The following FUBP1 variants were observed in gnomAD, a reference collection of about 807,000 sequenced individuals.
FUBP1 encodes the protein far upstream element-binding protein 1.
A neutral mutation model predicts 94.9 loss-of-function variants in FUBP1; 16 were observed. That is an observed-to-expected ratio of 0.17 (90% CI 0.11 to 0.26). FUBP1 has a LOEUF of 0.26. FUBP1 is among the 10% of genes least tolerant of loss of function. FUBP1 has a pLI of 1.00. For synonymous variants in FUBP1, 279 were observed against 254.9 expected, an observed-to-expected ratio of 1.09 and a Z score of -0.90; for missense variants, 583 against 808.6, an observed-to-expected ratio of 0.72 and a Z score of 3.38.
chr1:77,979,342 T>C (rs764533414), upstream of FUBP1: 7 of 277,936 alleles, frequency 2.5e-5, no homozygotes, highest in African/African-American at 8.7e-5. Context: ...TAGTGGCCAG[T>C]TGACTGCGAC....
In FUBP1 at chr1:77,948,761, T is replaced by C; in HGVS notation, c.*5A>G. 6.2e-7 allele frequency: 1 copy of C among 1,609,488 alleles called. No individual in the cohort carries two copies. The highest frequency in any genetic ancestry group is 8.5e-7 in the Non-Finnish European group (1 of 1,176,130). ...TGAAGCAAATACTGTATTGTCCACT[T>C]CTTATTATTGGCCCTGTGCAGAAGA... On this transcript the variant is annotated 3_prime_UTR_variant, in exon 20 of 20. Coordinates refer to ENST00000370768, the MANE Select transcript of FUBP1 (RefSeq NM_003902.5).
chr1:77,955,175 T>A, intron 18 of FUBP1, 80 bp downstream of exon 18: 1 of 683,488 alleles, frequency 1.5e-6, no homozygotes. Context: ...AGTGATTTTA[T>A]TCAATTATTC....
At chr1:77,978,444 C>A (rs1428087379) in intron 1 of FUBP1, among the ~76,000 whole-genome samples, 1 of 152,236 alleles carries the variant, frequency 6.6e-6, no homozygotes, top group Non-Finnish European at 1.5e-5. Context: ...CGAGAGAGAA[C>A]GGAAATGAGC....
chr1:77,957,951 C>G (rs1222378091), intron 16 of FUBP1, among the ~76,000 whole-genome samples: 1 of 151,930 alleles, frequency 6.6e-6, no homozygotes, highest in Non-Finnish European at 1.5e-5. Context: ...GCCACCACAT[C>G]CAGCTAATTT....
At chr1:77,969,015 T>C in intron 2 of FUBP1, 1 of 1,193,792 alleles carries the variant, frequency 8.4e-7, no homozygotes, top group Non-Finnish European at 1.1e-6. Context: ...TAAATAAAAA[T>C]TCCTGCCTTT....
rs557515370 is a variant in FUBP1, at chr1:77,952,908, C to T, written c.1780+2347G>A. Among the ~76,000 whole-genome samples the T allele has an allele frequency of 5.9e-5, 9 of 152,166 alleles. No homozygotes were observed. In the East Asian group the frequency reaches 1.5e-3, roughly 26 times the overall value. On this transcript the variant is annotated intron_variant, in intron 18 of 19. Coordinates refer to ENST00000370768, the MANE Select transcript of FUBP1 (RefSeq NM_003902.5). ...ATCCCAACACTTTGCGAGGCTGAGG[C>T]GGGTGGATCACCTGAGGTCAGGAGT...
At chr1:77,959,239 G>A (rs1399355980) in intron 16 of FUBP1, among the ~76,000 whole-genome samples, 1 of 151,982 alleles carries the variant, frequency 6.6e-6, no homozygotes, top group Non-Finnish European at 1.5e-5. Flanking sequence ...TGAGAAAAAA[G>A]GATCATAAAT....
Position 77,947,951 on chromosome 1 carries a change from T to C in FUBP1, c.*815A>G, listed in dbSNP as rs956362380. 3.3e-5 allele frequency: 33 copies of C among 1,013,566 alleles called. No homozygotes were observed. The highest frequency in any genetic ancestry group is 3.7e-5 in the Non-Finnish European group (31 of 827,980). 62.8% of individuals were successfully genotyped at this position (1,013,566 alleles called of 1,614,324 possible). A position where few individuals can be genotyped will look rare whatever the true frequency, so the allele number is the denominator to read the frequency against. On this transcript the variant is annotated 3_prime_UTR_variant, in exon 20 of 20. Transcript: ENST00000370768. ...GCTTCACATGGAAAAAAACTGTTCT[T>C]ATTAGACTACTCATATTCACTATCT...
At chr1:77,973,329 T>C (rs1657949092) in intron 1 of FUBP1, among the ~76,000 whole-genome samples, 2 of 152,186 alleles carry the variant, frequency 1.3e-5, no homozygotes, top group Non-Finnish European at 1.5e-5. Flanking sequence ...CACTGCAATG[T>C]CCGCCCCCCA....
chr1:77,948,662 CA>C lies in FUBP1; in HGVS notation c.*103del. The C allele has an allele frequency of 1.4e-6, 2 of 1,431,382 alleles. No homozygotes were observed. The highest frequency in any genetic ancestry group is 1.8e-6 in the Non-Finnish European group (2 of 1,089,418). 88.7% of individuals were successfully genotyped at this position (1,431,382 alleles called of 1,614,324 possible). A position where few individuals can be genotyped will look rare whatever the true frequency, so the allele number is the denominator to read the frequency against. On this transcript the variant is annotated 3_prime_UTR_variant, in exon 20 of 20. Coordinates refer to ENST00000370768, the MANE Select transcript of FUBP1 (RefSeq NM_003902.5). ...AAAAAAAGGAAACACTATTTTAAAC[CA>C]AAAACAAAATTAAGATCTTCATCAA...
rs1483465869 is a variant in FUBP1 at position 77,975,811 on chromosome 1, T to C, written c.120+3074A>G. ...GAAACCCTGAACTAAAGCAGCAATC[T>C]GGTGTCCCTGTGTTGAATTTAGCTC... On this transcript the variant is annotated intron_variant, in intron 1 of 19. Transcript: ENST00000370768. Among the ~76,000 whole-genome samples the C allele has an allele frequency of 3.3e-5, 5 of 152,080 alleles. No homozygotes were observed. The East Asian group carries it at 9.6e-4, about 29-fold the overall frequency.
At chr1:77,956,772 C>G in intron 16 of FUBP1, 72 bp from the exon 17 acceptor site, 1 of 1,094,772 alleles carries the variant, frequency 9.1e-7, no homozygotes, top group South Asian at 1.9e-5. Context: ...CACACCACCC[C>G]CCCGCCCAGC....
chr1:77,953,594 A>C lies in FUBP1; in HGVS notation c.1780+1661T>G, dbSNP rs1041549051. 2.6e-5 allele frequency among the ~76,000 whole-genome samples: 4 copies of C among 152,208 alleles called. No individual in the cohort carries two copies. In the South Asian group the frequency reaches 8.3e-4, roughly 32 times the overall value. On this transcript the variant is annotated intron_variant, in intron 18 of 19. Transcript: ENST00000370768. ...CTTTAGTCATACAGCATTATTATTT[A>C]ACATCTAATTATTATTTAATTATTT...
intron 1 of FUBP1, among the ~76,000 whole-genome samples, chr1:77,978,118 A>C (rs1659048988): frequency 6.6e-6 from 1 of 152,248 alleles, no homozygotes; most frequent in South Asian, 2.1e-4. Flanking sequence ...AAGAATGTAA[A>C]GTTCAAATTA....
rs372255352 is a variant in FUBP1 at position 77,956,519 on chromosome 1, T to A, written c.1705+53A>T. The A allele has an allele frequency of 2.0e-5, 27 of 1,344,704 alleles. No individual in the cohort carries two copies. In the South Asian group the frequency reaches 2.8e-4, roughly 14 times the overall value. The allele number at this position is 1,344,704 out of a possible 1,614,324, so 83.3% of individuals were successfully genotyped here. On this transcript the variant is annotated intron_variant, in intron 17 of 19. Coordinates refer to ENST00000370768, the MANE Select transcript of FUBP1 (RefSeq NM_003902.5). ...GTATTATACAGTGATGTACTTCATATATAATTCCAAGCACAACTTTTGGCT... is the reference window on the plus strand; with the variant it reads ...GTATTATACAGTGATGTACTTCATAAATAATTCCAAGCACAACTTTTGGCT...
intron 1 of FUBP1, among the ~76,000 whole-genome samples, chr1:77,974,615 G>C (rs1346754686): frequency 6.6e-6 from 1 of 152,078 alleles, no homozygotes; most frequent in African/African-American, 2.4e-5. Flanking sequence ...TAAGATTATA[G>C]GTGTGAACCA....
rs1233786882 is a variant in FUBP1, at chr1:77,966,925, C to A, written c.374G>T (p.Arg125Leu). The A allele has an allele frequency of 1.9e-6, 3 of 1,605,304 alleles. No homozygotes were observed. Among genetic ancestry groups the A allele is most frequent in the Non-Finnish European group, 2.6e-6 (3 of 1,172,868 alleles). Residue 125 changes from arginine (R) to leucine (L), a missense_variant, in exon 6 of 20, where the codon CGC (arginine) becomes CTC (leucine). Physicochemically the swap from Arg to Leu is moderately radical, Grantham distance 102. Transcript: ENST00000370768. ...TTTGCATCCAGATTCCTGTTGTATG[C>A]GTGAGATCTGTTCACCTCCTCTGCC... ...IIGRGGEQIS[R>L]IQQESGCKIQ...
intron 1 of FUBP1, among the ~76,000 whole-genome samples, chr1:77,975,620 T>C (rs755073846): frequency 9.9e-5 from 15 of 152,218 alleles, no homozygotes; most frequent in Non-Finnish European, 2.2e-4. Flanking sequence ...TCTACCTTCA[T>C]ATAACCTCGA....
At chr1:77,965,777 A>G (rs1287217143) in intron 7 of FUBP1, among the ~76,000 whole-genome samples, 1 of 152,202 alleles carries the variant, frequency 6.6e-6, no homozygotes, top group Admixed American at 6.5e-5. Context: ...GGCTGGGGGA[A>G]GTGGCTCACG....
Sources: allele counts gnomAD v4.1 joint callset (sites outside exome capture counted in the v4.1 genomes callset), GRCh38; gene constraint gnomAD v4.1.1; transcripts MANE v1.5; gene names NCBI Gene and HGNC (gene_info 2026-07-23, HGNC 2026-07-21).